The following TBC1D8 variants were observed in gnomAD, a reference collection of about 807,000 sequenced individuals.
TBC1D8 encodes the protein TBC1 domain family member 8.
In TBC1D8, 65 loss-of-function variants were observed where a neutral mutation model predicts 118.8. That is an observed-to-expected ratio of 0.55 (90% CI 0.45 to 0.67). The LOEUF is 0.67. Ranked by LOEUF, TBC1D8 falls within the 30% of genes least tolerant of loss-of-function variation. The pLI is 0.00. For synonymous variants in TBC1D8, 566 were observed against 595.8 expected, an observed-to-expected ratio of 0.95 and a Z score of 0.73; for missense variants, 1,376 against 1,471.2, an observed-to-expected ratio of 0.94 and a Z score of 1.06.
At chr2:101,051,658 CA>C (rs748567406) in intron 4 of TBC1D8, among the ~76,000 whole-genome samples, 20 of 152,008 alleles carry the variant, frequency 1.3e-4, no homozygotes, top group Non-Finnish European at 2.4e-4. Flanking sequence ...CACGAACAGA[CA>C]CTTTTCAAAA....
Position 101,078,753 on chromosome 2 carries a change from C to CAA in TBC1D8, c.283+11454_283+11455dup. On this transcript the variant is annotated intron_variant, in intron 2 of 19. Coordinates refer to ENST00000409318, the MANE Select transcript of TBC1D8 (RefSeq NM_001330348.2). ...GAAAGAAAAGAAAAACCTTTCTTAG[C>CAA]AAAAAAAAAAAAAAAAAAAAAGGAA... is the stretch of plus-strand genomic sequence containing the variant. Among the ~76,000 whole-genome samples the CAA allele has an allele frequency of 2.0e-4, 22 of 108,098 alleles. 1 individual carries two copies. The highest frequency in any genetic ancestry group is 8.1e-4 in the African/African-American group (22 of 27,180). 70.9% of individuals were successfully genotyped at this position (108,098 alleles called of 152,430 possible).
intron 17 of TBC1D8, among the ~76,000 whole-genome samples, chr2:101,021,237 C>A (rs1680012231): frequency 1.3e-5 from 2 of 152,096 alleles, no homozygotes; most frequent in Admixed American, 6.6e-5. Flanking sequence ...TCATAGATAC[C>A]CAAATGGCTT....
At chr2:101,114,681 CAG>C (rs757313485) in intron 1 of TBC1D8, among the ~76,000 whole-genome samples, 5 of 152,200 alleles carry the variant, frequency 3.3e-5, no homozygotes, top group South Asian at 2.1e-4. Flanking sequence ...ACGGACTAAA[CAG>C]AGTTTCTTTT....
chr2:101,069,305 G>A (rs1683180917), intron 2 of TBC1D8, among the ~76,000 whole-genome samples: 2 of 150,850 alleles, frequency 1.3e-5, no homozygotes, highest in African/African-American at 4.9e-5. Context: ...AAAAAAAAAA[G>A]GCCAGGCACA....
chr2:101,013,840 C>G (rs1222283636), intron 17 of TBC1D8, among the ~76,000 whole-genome samples: 1 of 152,212 alleles, frequency 6.6e-6, no homozygotes, highest in Non-Finnish European at 1.5e-5. Context: ...CAGTAATCAT[C>G]AAAATAATCC....
intron 13 of TBC1D8, 38 bp downstream of exon 13, chr2:101,028,265 G>C: frequency 6.3e-7 from 1 of 1,593,068 alleles, no homozygotes; most frequent in Non-Finnish European, 8.5e-7. Context: ...CGGGGGGTTA[G>C]GGGCTGCAAC....
In TBC1D8 at chr2:101,021,860, TC is replaced by T. The variant is rs1042790848; in HGVS notation, c.2762-115del. ...AAGGTCAATACCTGCCACCCCCAAC[TC>T]TCCTGCCCCAGACACACACCATGGT... On this transcript the variant is annotated intron_variant, in intron 16 of 19. Coordinates refer to ENST00000409318, the MANE Select transcript of TBC1D8 (RefSeq NM_001330348.2). 5.8e-4 allele frequency: 403 copies of T among 696,792 alleles called. 3 individuals are homozygous for T. Among genetic ancestry groups the T allele is most frequent in the Non-Finnish European group, 9.3e-5 (37 of 399,566 alleles). The allele number at this position is 696,792 out of a possible 1,614,324, so 43.2% of individuals were successfully genotyped here.
In TBC1D8 at chr2:101,017,930, A is replaced by C; in HGVS notation, c.2827+3751T>G. On this transcript the variant is annotated intron_variant, in intron 17 of 19. Transcript: ENST00000409318. ...AGAAACCGAACAAGAAGAGGAAAGC[A>C]AATGGCATTTTCTTCTCTACTTGGT... 1.9e-6 allele frequency: 3 copies of C among 1,550,748 alleles called. No individual in the cohort carries two copies. In the Admixed American group the frequency reaches 5.9e-5, roughly 30 times the overall value.
At chr2:101,120,743 G>C (rs898043104) in intron 1 of TBC1D8, among the ~76,000 whole-genome samples, 3 of 152,230 alleles carry the variant, frequency 2.0e-5, no homozygotes, top group African/African-American at 7.2e-5. Context: ...GCTCTGAACA[G>C]AGCCAAGTGC....
chr2:101,138,585 T>G (rs1678960488), intron 1 of TBC1D8, among the ~76,000 whole-genome samples: 1 of 152,180 alleles, frequency 6.6e-6, no homozygotes, highest in Non-Finnish European at 1.5e-5. Context: ...GGTTTGATAA[T>G]TTGCCGGGAT....
intron 17 of TBC1D8, among the ~76,000 whole-genome samples, chr2:101,020,016 T>C (rs924868536): frequency 2.0e-5 from 3 of 146,814 alleles, no homozygotes; most frequent in African/African-American, 7.6e-5. Context: ...GAGCTTGCAG[T>C]GAGCCGAGAT....
rs895380344 is a variant in TBC1D8, at chr2:101,007,689, T to A, written c.*132A>T. The stretch of plus-strand genomic sequence containing the variant: ...TTGTGTCGGTTCCCCTGGCCACAGT[T>A]TGTCAGGTTGTTTAGCCAGATGCCC... On this transcript the variant is annotated 3_prime_UTR_variant, in exon 20 of 20. Transcript: ENST00000409318. 1 of 905,600 alleles carries A rather than the reference T, an allele frequency of 1.1e-6. No homozygotes were observed. Among genetic ancestry groups the A allele is most frequent in the Non-Finnish European group, 1.7e-6 (1 of 589,890 alleles). 56.1% of individuals were successfully genotyped at this position (905,600 alleles called of 1,614,324 possible).
At chr2:101,030,345 C>G (rs1260678115) in intron 11 of TBC1D8, among the ~76,000 whole-genome samples, 2 of 152,006 alleles carry the variant, frequency 1.3e-5, no homozygotes, top group Non-Finnish European at 2.9e-5. Flanking sequence ...AACAACCAAC[C>G]TTTTTTAAAG....
intron 5 of TBC1D8, among the ~76,000 whole-genome samples, chr2:101,041,937 A>T (rs970314961): frequency 1.1e-4 from 17 of 151,884 alleles, no homozygotes; most frequent in African/African-American, 4.1e-4. Flanking sequence ...AGATAAAAGG[A>T]TCACTTGAGC....
intron 2 of TBC1D8, among the ~76,000 whole-genome samples, chr2:101,079,263 G>A (rs577114017): frequency 4.5e-4 from 69 of 152,272 alleles, no homozygotes; most frequent in African/African-American, 1.3e-3. Context: ...CTCTCCAGAC[G>A]GTTTCCTTGT....
chr2:101,048,347 G>A (rs1681838086), intron 5 of TBC1D8, among the ~76,000 whole-genome samples: 1 of 152,162 alleles, frequency 6.6e-6, no homozygotes, highest in African/African-American at 2.4e-5. Context: ...TCCTAAGATG[G>A]AGGCTGAGAG....
chr2:101,144,674 C>A (rs144244417), intron 1 of TBC1D8, among the ~76,000 whole-genome samples: 2,898 of 152,308 alleles, frequency 0.019, 89 homozygotes, highest in African/African-American at 0.065. Flanking sequence ...CGGTGGCTCA[C>A]GCCTGTAATC....
chr2:101,033,464 G>T, intron 10 of TBC1D8, 80 bp downstream of exon 10: 6 of 1,533,508 alleles, frequency 3.9e-6, no homozygotes, highest in Non-Finnish European at 5.4e-6. Context: ...AGATGACTGG[G>T]AATGCAAATG....
chr2:101,088,141 T>C (rs1675759098), intron 2 of TBC1D8, among the ~76,000 whole-genome samples: 1 of 152,206 alleles, frequency 6.6e-6, no homozygotes, highest in Non-Finnish European at 1.5e-5. Flanking sequence ...TTCTCAACTA[T>C]CCCTGTGTGT....
Sources: gnomAD v4.1 joint callset for allele counts (sites outside exome capture counted in the v4.1 genomes callset) on GRCh38, gnomAD v4.1.1 for gene constraint, MANE v1.5 for transcripts, NCBI Gene and HGNC (gene_info 2026-07-23, HGNC 2026-07-21) for gene names.